The following PDE1C variants were observed in gnomAD, a reference collection of about 807,000 sequenced individuals.
PDE1C encodes dual specificity calcium/calmodulin-dependent 3',5'-cyclic nucleotide phosphodiesterase 1C.
PDE1C carries 62 observed loss-of-function variants against 93.1 expected under a neutral mutation model. The observed-to-expected ratio is 0.67, with a 90% CI of 0.54 to 0.82. The LOEUF is 0.82. Ranked by LOEUF, PDE1C falls within the 40% of genes least tolerant of loss-of-function variation. The pLI is 0.00. For synonymous variants in PDE1C, 325 were observed against 310.1 expected, an observed-to-expected ratio of 1.05 and a Z score of -0.50; for missense variants, 742 against 884.6, an observed-to-expected ratio of 0.84 and a Z score of 2.04.
At chr7:32,424,498 C>G (rs1255857917) in intron 1 of PDE1C, among the ~76,000 whole-genome samples, 2 of 152,140 alleles carry the variant, frequency 1.3e-5, no homozygotes, top group South Asian at 2.1e-4. Context: ...TAATAATAAA[C>G]TAAGTCGGGT....
At chr7:32,081,844 C>G (rs1287555019) in intron 3 of PDE1C, among the ~76,000 whole-genome samples, 1 of 152,192 alleles carries the variant, frequency 6.6e-6, no homozygotes, top group African/African-American at 2.4e-5. Flanking sequence ...CTTTTAGAAG[C>G]AACATTCATA....
At chr7:31,642,800 C>T in the PDE1C span, 1 of 1,613,964 alleles carries the variant, frequency 6.2e-7, no homozygotes, top group Non-Finnish European at 8.5e-7. Flanking sequence ...GGGCCAGATT[C>T]CAAAAGTAGG....
At chr7:31,677,725 C>A in the PDE1C span, among the ~76,000 whole-genome samples, 1 of 152,096 alleles carries the variant, frequency 6.6e-6, no homozygotes, top group Non-Finnish European at 1.5e-5. Flanking sequence ...AAGTCAGGAA[C>A]AAGATAGAAA....
chr7:32,056,692 T>C (rs1357970028), intron 1 of PDE1C, among the ~76,000 whole-genome samples: 1 of 152,190 alleles, frequency 6.6e-6, no homozygotes, highest in Non-Finnish European at 1.5e-5. Flanking sequence ...TCAGCTACTG[T>C]ACTAAAAACA....
intron 1 of PDE1C, among the ~76,000 whole-genome samples, chr7:32,415,215 C>T (rs1785249806): frequency 6.6e-6 from 1 of 152,122 alleles, no homozygotes; most frequent in African/African-American, 2.4e-5. Context: ...CTTGGAGAGG[C>T]CGAAGTGGGC....
the PDE1C span, among the ~76,000 whole-genome samples, chr7:31,684,078 T>C: frequency 6.6e-6 from 1 of 152,138 alleles, no homozygotes; most frequent in Non-Finnish European, 1.5e-5. Context: ...CTCTCCAAGG[T>C]ATAGATTTAC....
At chr7:32,231,905 G>A (rs1807714415) in intron 1 of PDE1C, among the ~76,000 whole-genome samples, 1 of 151,870 alleles carries the variant, frequency 6.6e-6, no homozygotes, top group South Asian at 2.1e-4. Context: ...TGTAGGAAGA[G>A]TCTTTGAAAA....
chr7:31,765,535 T>A (rs895548814), intron 17 of PDE1C, among the ~76,000 whole-genome samples: 1 of 152,226 alleles, frequency 6.6e-6, no homozygotes, highest in Non-Finnish European at 1.5e-5. Flanking sequence ...CAGAAGCTCC[T>A]ATGTCCTTTG....
rs547623123 is a variant in PDE1C, at chr7:31,823,075, T to C, written c.1580A>G (p.Lys527Arg). ...NRERWRAKVP[K>R]EEKAKKEAEE... The stretch of plus-strand genomic sequence containing the variant: ...TGGACAGGTCTGTGGCATGTTACCT[T>C]TGGGTACCTTGGCCCTCCATCTCTC... The change falls in exon 14 of 18, where the codon AAA (lysine) becomes AGA (arginine). Residue 527 changes from lysine (K) to arginine (R), a missense_variant and splice_region_variant. Physicochemically the swap from Lys to Arg is conservative, Grantham distance 26. This residue lies in a region of PDE1C where 454 missense variants were observed against 459.4 expected (regional missense o/e 0.99). Coordinates refer to ENST00000396191, the MANE Select transcript of PDE1C (RefSeq NM_001191057.4). 5.6e-6 allele frequency: 9 copies of C among 1,608,756 alleles called. No individual in the cohort carries two copies. Among genetic ancestry groups the C allele is most frequent in the Non-Finnish European group, 5.1e-6 (6 of 1,177,336 alleles).
At chr7:32,354,036 G>A (rs995650099) in intron 1 of PDE1C, among the ~76,000 whole-genome samples, 16 of 152,144 alleles carry the variant, frequency 1.1e-4, no homozygotes, top group South Asian at 4.1e-4. Context: ...TATTCATTCC[G>A]TTTGCATTTG....
At chr7:31,998,173 CT>C (rs1352170158) in intron 2 of PDE1C, among the ~76,000 whole-genome samples, 1 of 152,000 alleles carries the variant, frequency 6.6e-6, no homozygotes, top group Non-Finnish European at 1.5e-5. Context: ...GTGCCTGCCA[CT>C]ATGCCCAGCT....
intron 1 of PDE1C, among the ~76,000 whole-genome samples, chr7:32,064,554 C>T (rs772360009): frequency 4.6e-5 from 7 of 152,166 alleles, no homozygotes; most frequent in Non-Finnish European, 7.3e-5. Flanking sequence ...CCAATCTGTC[C>T]TCCACCCTTT....
intron 1 of PDE1C, among the ~76,000 whole-genome samples, chr7:32,401,347 G>A (rs565836933): frequency 2.0e-5 from 3 of 152,050 alleles, no homozygotes; most frequent in Non-Finnish European, 2.9e-5. Context: ...GACCATCCTG[G>A]CTAACACAGT....
At chr7:32,393,509 A>C (rs527367423) in intron 1 of PDE1C, among the ~76,000 whole-genome samples, 1 of 152,294 alleles carries the variant, frequency 6.6e-6, no homozygotes, top group African/African-American at 2.4e-5. Context: ...ATTTAAGTTA[A>C]TCTATAAGGC....
At chr7:32,367,943 T>C (rs1784256268) in intron 1 of PDE1C, among the ~76,000 whole-genome samples, 1 of 151,134 alleles carries the variant, frequency 6.6e-6, no homozygotes, top group East Asian at 1.9e-4. Flanking sequence ...ACCCTATCTC[T>C]AGTTAAAAAA....
intron 2 of PDE1C, among the ~76,000 whole-genome samples, chr7:31,908,628 G>A (rs1026584365): frequency 6.6e-6 from 1 of 152,186 alleles, no homozygotes; most frequent in African/African-American, 2.4e-5. Flanking sequence ...CAGATATGAC[G>A]TAGTTAATGT....
At chr7:32,174,763 T>C (rs569614188) in intron 2 of PDE1C, among the ~76,000 whole-genome samples, 8 of 152,156 alleles carry the variant, frequency 5.3e-5, no homozygotes, top group Non-Finnish European at 8.8e-5. Flanking sequence ...CAGCTGTACC[T>C]GTATTTCAGA....
intron 1 of PDE1C, among the ~76,000 whole-genome samples, chr7:32,363,123 C>T (rs1784166381): frequency 6.6e-6 from 1 of 152,070 alleles, no homozygotes; most frequent in Non-Finnish European, 1.5e-5. Context: ...CCAGGAACAC[C>T]TTTGAAAGTG....
the PDE1C span, among the ~76,000 whole-genome samples, chr7:31,633,339 G>A: frequency 7.2e-5 from 11 of 152,098 alleles, no homozygotes; most frequent in South Asian, 2.1e-4. Context: ...ATACAAAGAC[G>A]AATTTCCTAA....
Sources: gnomAD v4.1 joint callset for allele counts (sites outside exome capture counted in the v4.1 genomes callset) on GRCh38, gnomAD v4.1.1 for gene constraint, gnomAD v4.1.1 regional missense constraint, MANE v1.5 for transcripts, NCBI Gene and HGNC (gene_info 2026-07-23, HGNC 2026-07-21) for gene names.